Variants in ZFHX3 observed in about 807,000 individuals in gnomAD.
The protein encoded by ZFHX3 is zinc finger homeobox protein 3.
In ZFHX3, 42 loss-of-function variants were observed where a neutral mutation model predicts 279.1. The observed-to-expected ratio is 0.15, with a 90% CI of 0.12 to 0.19. The LOEUF (loss-of-function observed/expected upper bound fraction) is 0.19, where lower values mean the gene tolerates loss of function less well. Among genes scored for constraint, ZFHX3 ranks in the 10% least tolerant of loss-of-function variants. ZFHX3 has a pLI of 1.00. For missense variants in ZFHX3, 4,981 were observed against 4,754.0 expected, an observed-to-expected ratio of 1.05 and a Z score of -1.40; for synonymous variants, 2,293 against 1,957.8, an observed-to-expected ratio of 1.17 and a Z score of -4.52.
Position 73,178,652 on chromosome 16 carries a change from A to G in ZFHX3, c.-1103-34821T>C, listed in dbSNP as rs564785204. On this transcript the variant is annotated intron_variant, in intron 5 of 17. Coordinates refer to the ZFHX3 transcript ENST00000641206. The stretch of plus-strand genomic sequence containing the variant: ...CATTGAAAATTCAACACAATAGTTT[A>G]TTTTATTTTTATTTTTGTTGAGACC... Among the ~76,000 whole-genome samples the G allele has an allele frequency of 2.6e-5, 4 of 152,178 alleles. No individual in the cohort carries two copies. The South Asian group carries it at 8.3e-4, about 32-fold the overall frequency.
At position 72,787,163 on chromosome 16, in the gene ZFHX3, C is replaced by CT; in HGVS notation, c.11112dup. Reference sequence around the variant, plus strand: ...TTGTTTGTATTGTTCATCTTCAAAGCTTACAATCTGAAGGTGTCCGTTCCT... The same window carrying CT: ...TTGTTTGTATTGTTCATCTTCAAAGCTTTACAATCTGAAGGTGTCCGTTCCT... On this transcript the variant is annotated 3_prime_UTR_variant, in exon 10 of 10. Coordinates refer to ENST00000268489, the MANE Select transcript of ZFHX3 (RefSeq NM_006885.4). The CT allele has an allele frequency of 1.3e-6, 2 of 1,512,578 alleles. No individual in the cohort carries two copies. The highest frequency in any genetic ancestry group is 1.8e-6 in the Non-Finnish European group (2 of 1,124,426). 93.7% of individuals were successfully genotyped at this position (1,512,578 alleles called of 1,614,324 possible).
chr16:73,523,336 CG>C (rs991985606), intron 2 of ZFHX3, among the ~76,000 whole-genome samples: 1 of 152,156 alleles, frequency 6.6e-6, no homozygotes, highest in African/African-American at 2.4e-5. Flanking sequence ...ATAGTTACTA[CG>C]TGGTTTCTGA....
intron 1 of ZFHX3, among the ~76,000 whole-genome samples, chr16:72,963,354 C>G (rs951253156): frequency 6.6e-6 from 1 of 152,186 alleles, no homozygotes; most frequent in African/African-American, 2.4e-5. Context: ...TCACAACCCC[C>G]AATGTTGCAC....
intron 2 of ZFHX3, among the ~76,000 whole-genome samples, chr16:73,658,914 T>G (rs1025896780): frequency 6.6e-6 from 1 of 152,140 alleles, no homozygotes; most frequent in Non-Finnish European, 1.5e-5. Flanking sequence ...AATGGACGCA[T>G]TATTTACCAA....
intron 6 of ZFHX3, among the ~76,000 whole-genome samples, chr16:73,136,048 G>C (rs1335921351): frequency 1.3e-5 from 2 of 152,040 alleles, no homozygotes; most frequent in African/African-American, 4.8e-5. Context: ...AGTAGAGACG[G>C]GGTTTAACCA....
chr16:73,010,115 A>T (rs1963862946), intron 1 of ZFHX3, among the ~76,000 whole-genome samples: 1 of 151,824 alleles, frequency 6.6e-6, no homozygotes, highest in Admixed American at 6.6e-5. Context: ...CCCCATGGGA[A>T]GGTGGCACTC....
Position 72,797,100 on chromosome 16 carries a change from G to C in ZFHX3, c.5582C>G (p.Ala1861Gly). The change falls in exon 9 of 10, where the codon GCC (alanine) becomes GGC (glycine). Residue 1861 changes from alanine to glycine, a missense_variant. Coordinates refer to ENST00000268489, the MANE Select transcript of ZFHX3 (RefSeq NM_006885.4). ...CTGAAGGAGGGCAGAGTGACTCTGG[G>C]CTATAGAGAGTTGGTTCTGCTGCTG... ...PQQQQNQLSI[A>G]QSHSALLQPS... 6.2e-7 allele frequency: 1 copy of C among 1,613,840 alleles called. No individual in the cohort carries two copies. Among genetic ancestry groups the C allele is most frequent in the Non-Finnish European group, 8.5e-7 (1 of 1,180,028 alleles).
chr16:73,131,270 T>TAAAAAAA (rs200263974), intron 6 of ZFHX3, among the ~76,000 whole-genome samples: 2 of 151,994 alleles, frequency 1.3e-5, no homozygotes, highest in Non-Finnish European at 2.9e-5. Context: ...ATAAATCATT[T>TAAAAAAA]AAAAAAAACA....
intron 5 of ZFHX3, among the ~76,000 whole-genome samples, chr16:73,210,816 A>C (rs1199269798): frequency 6.6e-6 from 1 of 152,178 alleles, no homozygotes; most frequent in Non-Finnish European, 1.5e-5. Context: ...AAGAGGCAGA[A>C]GCATCTTAGC....
chr16:73,619,914 G>A (rs59784092), intron 2 of ZFHX3, among the ~76,000 whole-genome samples: 3,771 of 152,160 alleles, frequency 0.025, 165 homozygotes, highest in African/African-American at 0.086. Flanking sequence ...TTAGGAATGT[G>A]GTTTATATTT....
At chr16:73,012,413 AT>A (rs5817824) in intron 1 of ZFHX3, among the ~76,000 whole-genome samples, 87,966 of 151,988 alleles carry the variant, frequency 0.58, 27,133 homozygotes, top group East Asian at 0.84. Flanking sequence ...TGGAATCACC[AT>A]TTTTTTTATT....
chr16:73,116,400 A>G (rs1441298256), intron 7 of ZFHX3, among the ~76,000 whole-genome samples: 1 of 152,174 alleles, frequency 6.6e-6, no homozygotes, highest in Non-Finnish European at 1.5e-5. Flanking sequence ...AAGAGGAGGA[A>G]TGAGAGTTTG....
At chr16:73,626,449 A>AAT (rs1383461747) in intron 2 of ZFHX3, among the ~76,000 whole-genome samples, 2 of 152,074 alleles carry the variant, frequency 1.3e-5, no homozygotes, top group African/African-American at 4.8e-5. Flanking sequence ...TCGATATTGG[A>AAT]ATATATATTT....
At chr16:72,974,289 G>A (rs1012047369) in intron 1 of ZFHX3, among the ~76,000 whole-genome samples, 5 of 152,290 alleles carry the variant, frequency 3.3e-5, no homozygotes, top group Admixed American at 6.5e-5. Context: ...CAACGTTGCT[G>A]GACAGAGGTA....
chr16:73,553,247 T>C (rs76353585), intron 2 of ZFHX3, among the ~76,000 whole-genome samples: 2,133 of 152,202 alleles, frequency 0.014, 59 homozygotes, highest in African/African-American at 0.049. Context: ...ATATTTTTTG[T>C]TTAGTTTTGG....
chr16:73,738,696 T>G (rs1315267539), intron 1 of ZFHX3, among the ~76,000 whole-genome samples: 1 of 152,154 alleles, frequency 6.6e-6, no homozygotes, highest in African/African-American at 2.4e-5. Context: ...CTCGTGAAGG[T>G]TGCTCAAAGA....
chr16:73,299,805 T>C (rs374443705), intron 4 of ZFHX3, among the ~76,000 whole-genome samples: 1 of 152,182 alleles, frequency 6.6e-6, no homozygotes. Context: ...ATGAGAAGCA[T>C]GCTATATGCT....
chr16:72,988,600 T>C (rs1400884099), intron 1 of ZFHX3, among the ~76,000 whole-genome samples: 1 of 152,192 alleles, frequency 6.6e-6, no homozygotes, highest in Non-Finnish European at 1.5e-5. Context: ...TGATTGGAAT[T>C]CAATTGCACT....
intron 3 of ZFHX3, among the ~76,000 whole-genome samples, chr16:73,367,688 C>T (rs548563756): frequency 2.2e-4 from 34 of 152,282 alleles, no homozygotes; most frequent in Admixed American, 4.6e-4. Context: ...ATACCTCTAT[C>T]ACCAGTCAAA....
Sources: allele counts gnomAD v4.1 joint callset (sites outside exome capture counted in the v4.1 genomes callset), GRCh38; gene constraint gnomAD v4.1.1; transcripts MANE v1.5; gene names NCBI Gene and HGNC (gene_info 2026-07-23, HGNC 2026-07-21).